DGKQ: variants seen among roughly 807,000 people sequenced by gnomAD.
The protein encoded by DGKQ is diacylglycerol kinase theta, also known as DAG kinase theta.
A neutral mutation model predicts 104.2 loss-of-function variants in DGKQ; 97 were observed. The ratio of observed to expected loss-of-function variants is 0.93; its 90% CI spans 0.79 to 1.10. DGKQ has a LOEUF of 1.10. Among genes scored for constraint, DGKQ ranks in the 50% least tolerant of loss-of-function variants. The pLI is 0.00. For synonymous variants in DGKQ, 736 were observed against 595.2 expected, an observed-to-expected ratio of 1.24 and a Z score of -3.44; for missense variants, 1,465 against 1,352.1, an observed-to-expected ratio of 1.08 and a Z score of -1.31.
intron 6 of DGKQ, 31 bp downstream of exon 6, chr4:967,849 C>A: frequency 6.7e-7 from 1 of 1,496,572 alleles, no homozygotes; most frequent in Admixed American, 2.3e-5. Context: ...CAGCCCCCAG[C>A]CCAGGGCGCC....
chr4:970,658 C>G (rs978565462), intron 2 of DGKQ, among the ~76,000 whole-genome samples: 1 of 152,182 alleles, frequency 6.6e-6, no homozygotes, highest in South Asian at 2.1e-4. Context: ...AATCTCCATC[C>G]CCCCCAGGAG....
At chr4:961,899 G>A in intron 19 of DGKQ, 65 bp from the exon 20 acceptor site, 1 of 1,604,788 alleles carries the variant, frequency 6.2e-7, no homozygotes, top group African/African-American at 1.3e-5. Context: ...CAGCCTCCGG[G>A]TTCCGGCCCC....
intron 2 of DGKQ, among the ~76,000 whole-genome samples, chr4:970,240 G>A (rs948052769): frequency 4.6e-5 from 7 of 152,378 alleles, no homozygotes; most frequent in South Asian, 2.1e-4. Flanking sequence ...CTGCACACCC[G>A]GGCCTGCCTC....
At chr4:963,453 CAT>C (rs1232881694) in intron 15 of DGKQ, among the ~76,000 whole-genome samples, 163 bp from the exon 16 acceptor site, 10 of 152,222 alleles carry the variant, frequency 6.6e-5, no homozygotes, top group Admixed American at 6.5e-5. Context: ...AGGCCTCACA[CAT>C]GAGCTGCGTG....
At position 961,147 on chromosome 4, in the gene DGKQ, A is replaced by G. The variant is rs1711852589; in HGVS notation, c.2629T>C (p.Phe877Leu). Reference protein sequence around the residue: ...SGIRIAQGSYFRVTLLKATPV... With the variant: ...SGIRIAQGSYLRVTLLKATPV... Reference sequence around the variant, plus strand: ...GTGGCCTTGAGGAGCGTGACTCGGAAGTAGGAACCCTGGGCAATCCGGATT... The same window carrying G: ...GTGGCCTTGAGGAGCGTGACTCGGAGGTAGGAACCCTGGGCAATCCGGATT... Residue 877 changes from phenylalanine to leucine, a missense_variant, in exon 22 of 23, where the codon TTC becomes CTC. Coordinates refer to ENST00000273814, the MANE Select transcript of DGKQ (RefSeq NM_001347.4). 8.7e-6 allele frequency: 14 copies of G among 1,605,616 alleles called. No individual in the cohort carries two copies. The highest frequency in any genetic ancestry group is 1.2e-5 in the Non-Finnish European group (14 of 1,176,834).
At chr4:964,241 G>A (rs917356528) in intron 15 of DGKQ, 5 of 154,358 alleles carry the variant, frequency 3.2e-5, no homozygotes, top group African/African-American at 1.2e-4. Flanking sequence ...GGCACAGGAG[G>A]GAGGCATAGC....
At chr4:961,247 C>A (rs78509705) in intron 21 of DGKQ, 46 bp from the exon 22 acceptor site, 4 of 1,459,754 alleles carry the variant, frequency 2.7e-6, no homozygotes, top group Non-Finnish European at 3.6e-6. Flanking sequence ...TCAGGGACGC[C>A]CACCGCTGAC....
At chr4:965,008 G>C (rs1193037758) in intron 15 of DGKQ, among the ~76,000 whole-genome samples, 168 bp downstream of exon 15, 1 of 152,200 alleles carries the variant, frequency 6.6e-6, no homozygotes, top group Admixed American at 6.5e-5. Flanking sequence ...CCTTCCTGCT[G>C]TTGTGAGGCA....
At position 965,818 on chromosome 4, in the gene DGKQ, G is replaced by A. The variant is rs1022913662; in HGVS notation, c.1579+110C>T. 13 of 1,262,934 alleles carry A rather than the reference G, an allele frequency of 1.0e-5. No homozygotes were observed. In the Admixed American group the frequency reaches 1.0e-4, roughly 10 times the overall value. The allele number at this position is 1,262,934 out of a possible 1,614,324, so 78.2% of individuals were successfully genotyped here. On this transcript the variant is annotated intron_variant, in intron 13 of 22. Transcript: ENST00000273814. ...GACGTGGGCTGGACCCGGAGCTCAG[G>A]CCTTGGTGGCTCAAGGAGAGGCAGG...
chr4:960,779 A>T, intron 22 of DGKQ, 58 bp from the exon 23 acceptor site: 5 of 1,586,466 alleles, frequency 3.2e-6, no homozygotes, highest in Non-Finnish European at 4.3e-6. Flanking sequence ...AGAACGGTAC[A>T]CGGGCAGCCC....
Position 963,129 on chromosome 4 carries a change from C to A in DGKQ, c.1886+10G>T, listed in dbSNP as rs543716400. Reference sequence around the variant, plus strand: ...CTGCTGCCCTGGACCAGGGGTCCTGCTGGACTCACCCGGGAAGAGGACCTC... The same window carrying A: ...CTGCTGCCCTGGACCAGGGGTCCTGATGGACTCACCCGGGAAGAGGACCTC... On this transcript the variant is annotated intron_variant, in intron 16 of 22. Coordinates refer to ENST00000273814, the MANE Select transcript of DGKQ (RefSeq NM_001347.4). 258 of 1,590,076 alleles carry A rather than the reference C, an allele frequency of 1.6e-4. 4 individuals are homozygous for A. The South Asian group carries it at 2.6e-3, about 16-fold the overall frequency.
chr4:973,168 G>A (rs1713072101), intron 1 of DGKQ, 44 bp downstream of exon 1: 1 of 1,486,812 alleles, frequency 6.7e-7, no homozygotes, highest in Non-Finnish European at 8.9e-7. Flanking sequence ...CCACGGGGCA[G>A]AGGCAGGGCT....
In DGKQ at chr4:971,066, T is replaced by C. The variant is rs1712891951; in HGVS notation, c.278A>G (p.Asn93Ser). ...CAGGCACTTCTCATGAGACATGAAA[T>C]TGCAGACTGTGGGAATGAGCACTGT... ...GLAGFLCDVC[N>S]FMSHEKCLKH... Residue 93 changes from asparagine to serine, a missense_variant, in exon 2 of 23, where the codon AAT becomes AGT. Coordinates refer to ENST00000273814, the MANE Select transcript of DGKQ (RefSeq NM_001347.4). The surrounding 1 kb of genome is among the most constrained non-coding windows in gnomAD (Gnocchi z 4.0). 1.9e-6 allele frequency: 3 copies of C among 1,557,060 alleles called. No individual in the cohort carries two copies. Among genetic ancestry groups the C allele is most frequent in the Admixed American group, 1.9e-5 (1 of 51,624 alleles).
Position 971,520 on chromosome 4 carries a change from G to T in DGKQ, c.272-448C>A, listed in dbSNP as rs1374844738. The stretch of plus-strand genomic sequence containing the variant: ...CCTAATTGTCCCTGCTACGTGCTGT[G>T]CACCGTGCCTGAGACCGAGAGCCAC... On this transcript the variant is annotated intron_variant, in intron 1 of 22. Transcript: ENST00000273814. This position sits in a 1 kb window ranked among gnomAD's most constrained non-coding sequence, Gnocchi z 4.0. Among the ~76,000 whole-genome samples, 1 of 152,190 alleles carries T rather than the reference G, an allele frequency of 6.6e-6. No homozygotes were observed. Among genetic ancestry groups the T allele is most frequent in the Non-Finnish European group, 1.5e-5 (1 of 68,032 alleles).
Position 960,465 on chromosome 4 carries a change from C to A in DGKQ, c.*155G>T, listed in dbSNP as rs967624151. On this transcript the variant is annotated 3_prime_UTR_variant, in exon 23 of 23. Transcript: ENST00000273814. ...TCACCAATGGGATGAGGGCGGGTCC[C>A]GCTCCGTCACTGGGAAGATGCTGTG... is the stretch of plus-strand genomic sequence containing the variant. The A allele has an allele frequency of 3.0e-6, 2 of 660,544 alleles. No homozygotes were observed. Among genetic ancestry groups the A allele is most frequent in the South Asian group, 3.5e-5 (2 of 57,788 alleles). 40.9% of individuals were successfully genotyped at this position (660,544 alleles called of 1,614,324 possible).
intron 15 of DGKQ, 101 bp downstream of exon 15, chr4:965,075 A>G (rs913644550): frequency 6.9e-6 from 6 of 873,426 alleles, no homozygotes; most frequent in Non-Finnish European, 1.1e-5. Flanking sequence ...TGCCAGATGA[A>G]AACAGCGAGT....
In DGKQ at chr4:968,353, C is replaced by G. The variant is rs201406137; in HGVS notation, c.592G>C (p.Glu198Gln). 485 of 1,501,982 alleles carry G rather than the reference C, an allele frequency of 3.2e-4. 2 individuals carry two copies. The African/African-American group carries it at 6.7e-3, about 21-fold the overall frequency. 93.0% of individuals were successfully genotyped at this position (1,501,982 alleles called of 1,614,324 possible). A position where few individuals can be genotyped will look rare whatever the true frequency, so the allele number is the denominator to read the frequency against. Residue 198 changes from glutamate to glutamine, a missense_variant, in exon 5 of 23, where the codon GAG (glutamate) becomes CAG (glutamine). By Grantham distance (29) the Glu-to-Gln change is conservative. Coordinates refer to ENST00000273814, the MANE Select transcript of DGKQ (RefSeq NM_001347.4). The part of the protein sequence containing the change: ...EGNLPSGARC[E>Q]VCRKTCGSSD... ...GAGCCGCACGTCTTCCTGCAGACCT[C>G]GCAGCGCGCTCCCGAGGGCAGGTTC...
Position 961,469 on chromosome 4 carries a change from T to C in DGKQ, c.2572A>G (p.Met858Val), listed in dbSNP as rs145042207. ...EVVGVTGVVH[M>V]GQVQGGLRSG... ...CGCCCACTCGGCCGGCGGCTCACCA[T>C]GTGCACGACGCCCGTCACGCCCACA... The change falls in exon 21 of 23, where the codon ATG becomes GTG. Residue 858 changes from methionine (M) to valine (V), a missense_variant and splice_region_variant. By Grantham distance (21) the Met-to-Val change is conservative. Coordinates refer to ENST00000273814, the MANE Select transcript of DGKQ (RefSeq NM_001347.4). 9.8e-5 allele frequency: 156 copies of C among 1,595,058 alleles called. No individual in the cohort carries two copies. Among genetic ancestry groups the C allele is most frequent in the Non-Finnish European group, 2.9e-5 (34 of 1,173,282 alleles).
At chr4:970,901 C>T (rs990111185) in intron 2 of DGKQ, 92 bp downstream of exon 2, 17 of 972,686 alleles carry the variant, frequency 1.7e-5, no homozygotes, top group Middle Eastern at 3.0e-4. Context: ...GTATCACTAA[C>T]GTCTGACATG....
Sources: gnomAD v4.1 joint callset for allele counts (sites outside exome capture counted in the v4.1 genomes callset) on GRCh38, gnomAD v4.1.1 for gene constraint, Gnocchi (gnomAD v3.1) non-coding constraint, MANE v1.5 for transcripts, NCBI Gene and HGNC (gene_info 2026-07-23, HGNC 2026-07-21) for gene names.